The following TNIK variants were observed in gnomAD, a reference collection of about 807,000 sequenced individuals.
TNIK encodes the protein TRAF2 and NCK-interacting protein kinase.
A neutral mutation model predicts 191.3 loss-of-function variants in TNIK; 49 were observed. That is an observed-to-expected ratio of 0.26 (90% CI 0.20 to 0.32). The LOEUF is 0.32. TNIK is among the 10% of genes least tolerant of loss of function. The pLI, the probability that TNIK is intolerant of heterozygous loss-of-function variation, is 1.00. For missense variants in TNIK, 1,155 were observed against 1,702.3 expected, an observed-to-expected ratio of 0.68 and a Z score of 5.66; for synonymous variants, 594 against 600.9, an observed-to-expected ratio of 0.99 and a Z score of 0.17.
chr3:171,170,518 A>G (rs1191741036), intron 9 of TNIK, among the ~76,000 whole-genome samples: 1 of 152,164 alleles, frequency 6.6e-6, no homozygotes, highest in Non-Finnish European at 1.5e-5. Context: ...CTTAACTTCT[A>G]TGTGTCTCAG....
intron 4 of TNIK, among the ~76,000 whole-genome samples, chr3:171,202,159 G>T (rs1044729021): frequency 6.6e-6 from 1 of 152,052 alleles, no homozygotes; most frequent in Non-Finnish European, 1.5e-5. Flanking sequence ...CTTGTATTTG[G>T]TGTCTGGACT....
intron 15 of TNIK, 109 bp from the exon 16 acceptor site, chr3:171,128,987 G>C: frequency 7.1e-7 from 1 of 1,407,640 alleles, no homozygotes; most frequent in East Asian, 2.5e-5. Flanking sequence ...TGAATCCTCT[G>C]ATCAACTGAT....
intron 1 of TNIK, 57 bp downstream of exon 1, chr3:171,459,950 G>T: frequency 1.5e-6 from 1 of 677,710 alleles, no homozygotes; most frequent in Non-Finnish European, 2.5e-6. Context: ...TCCACGCACC[G>T]AGCCCATTCA....
intron 2 of TNIK, among the ~76,000 whole-genome samples, chr3:171,229,997 C>T (rs1340653488): frequency 6.6e-6 from 1 of 152,120 alleles, no homozygotes; most frequent in African/African-American, 2.4e-5. Flanking sequence ...TCCCCATCTA[C>T]AAAACGTGGG....
chr3:171,209,739 T>C (rs1029976014), intron 4 of TNIK, among the ~76,000 whole-genome samples: 7 of 151,998 alleles, frequency 4.6e-5, no homozygotes, highest in Admixed American at 1.3e-4. Context: ...ATGAGCCTTA[T>C]GGAAAAAAAA....
intron 2 of TNIK, among the ~76,000 whole-genome samples, chr3:171,311,091 G>C (rs1274791828): frequency 6.6e-6 from 1 of 151,936 alleles, no homozygotes; most frequent in East Asian, 1.9e-4. Context: ...AGATATATGT[G>C]AGCTTTATTT....
At chr3:171,447,047 T>G (rs1727595392) in intron 1 of TNIK, among the ~76,000 whole-genome samples, 1 of 151,944 alleles carries the variant, frequency 6.6e-6, no homozygotes, top group Non-Finnish European at 1.5e-5. Context: ...AAAAATTAGT[T>G]GGGCGTGGTG....
rs556910222 is a variant in TNIK at position 171,347,555 on chromosome 3, C to T, written c.123+22065G>A. Among the ~76,000 whole-genome samples, 97 of 152,256 alleles carry T rather than the reference C, an allele frequency of 6.4e-4. 1 individual carries two copies. The highest frequency in any genetic ancestry group is 2.2e-3 in the African/African-American group (92 of 41,550). On this transcript the variant is annotated intron_variant, in intron 2 of 32. Transcript: ENST00000436636. Reference sequence around the variant, plus strand: ...AAAGCAATCAGCAAACTGGGTGACTCATTAGGATTTTCTTTTCAAGAGAGC... The same window carrying T: ...AAAGCAATCAGCAAACTGGGTGACTTATTAGGATTTTCTTTTCAAGAGAGC...
intron 32 of TNIK, 89 bp from the exon 33 acceptor site, chr3:171,064,053 T>C (rs2108295655): frequency 8.1e-7 from 1 of 1,232,584 alleles, no homozygotes; most frequent in Non-Finnish European, 1.2e-6. Flanking sequence ...TCACATGTCC[T>C]ATCCTTGCCA....
chr3:171,107,108 C>A, intron 21 of TNIK, 75 bp downstream of exon 21: 1 of 1,500,842 alleles, frequency 6.7e-7, no homozygotes, highest in South Asian at 1.3e-5. Flanking sequence ...GGCCACCTTT[C>A]TGAATGTCAA....
intron 2 of TNIK, among the ~76,000 whole-genome samples, chr3:171,236,524 A>T (rs924432596): frequency 6.6e-6 from 1 of 152,218 alleles, no homozygotes; most frequent in Non-Finnish European, 1.5e-5. Flanking sequence ...GGAAAGGGTC[A>T]GGGAGAGAAA....
chr3:171,446,605 T>A (rs1727527466), intron 1 of TNIK, among the ~76,000 whole-genome samples: 1 of 152,220 alleles, frequency 6.6e-6, no homozygotes, highest in South Asian at 2.1e-4. Flanking sequence ...ACGGAGCTTT[T>A]TACTCTGGTG....
At chr3:171,294,373 A>G (rs1168461020) in intron 2 of TNIK, among the ~76,000 whole-genome samples, 4 of 151,886 alleles carry the variant, frequency 2.6e-5, no homozygotes, top group African/African-American at 7.3e-5. Context: ...GCAGTGAGCT[A>G]TGATCATGCC....
chr3:171,063,629 C>T lies in TNIK; in HGVS notation c.*252G>A. ...TAATTCCGAAGGGCACATGGTCCAT[C>T]TTTGTCCACAGACAAGGCAGCATTC... On this transcript the variant is annotated 3_prime_UTR_variant, in exon 33 of 33. Transcript: ENST00000436636. 1 of 415,180 alleles carries T rather than the reference C, an allele frequency of 2.4e-6. No homozygotes were observed. Among genetic ancestry groups the T allele is most frequent in the Non-Finnish European group, 4.3e-6 (1 of 232,752 alleles). 25.7% of individuals were successfully genotyped at this position (415,180 alleles called of 1,614,324 possible). A position where few individuals can be genotyped will look rare whatever the true frequency, so the allele number is the denominator to read the frequency against.
At chr3:171,303,123 G>A (rs762305527) in intron 2 of TNIK, among the ~76,000 whole-genome samples, 64 of 151,994 alleles carry the variant, frequency 4.2e-4, no homozygotes, top group African/African-American at 5.8e-4. Flanking sequence ...TATCACACAC[G>A]TAAAAAATAA....
intron 2 of TNIK, among the ~76,000 whole-genome samples, chr3:171,359,253 C>T (rs546162701): frequency 7.9e-5 from 12 of 152,142 alleles, no homozygotes; most frequent in Non-Finnish European, 2.9e-5. Flanking sequence ...AAGCCATACT[C>T]GAAGTATCAA....
intron 1 of TNIK, among the ~76,000 whole-genome samples, chr3:171,431,198 A>T (rs1560065873): frequency 6.6e-6 from 1 of 152,124 alleles, no homozygotes. Flanking sequence ...GAAAATAATG[A>T]TTAACATAAA....
At chr3:171,260,059 C>T (rs1450804950) in intron 2 of TNIK, among the ~76,000 whole-genome samples, 2 of 152,112 alleles carry the variant, frequency 1.3e-5, no homozygotes, top group Non-Finnish European at 2.9e-5. Context: ...ACCACCTATC[C>T]TCAATAGCTG....
At chr3:171,179,257 G>T (rs575853171) in intron 7 of TNIK, among the ~76,000 whole-genome samples, 2 of 152,278 alleles carry the variant, frequency 1.3e-5, no homozygotes, top group South Asian at 2.1e-4. Context: ...TGTACACAAA[G>T]ATTTTCATTA....
Sources: allele counts gnomAD v4.1 joint callset (sites outside exome capture counted in the v4.1 genomes callset), GRCh38; gene constraint gnomAD v4.1.1; transcripts MANE v1.5; gene names NCBI Gene and HGNC (gene_info 2026-07-23, HGNC 2026-07-21).